The following ACTR10 variants were observed in gnomAD, a reference collection of about 807,000 sequenced individuals.
ACTR10 encodes actin related protein 10.
In ACTR10, 43 loss-of-function variants were observed where a neutral mutation model predicts 56.2. The ratio of observed to expected loss-of-function variants is 0.77; its 90% CI spans 0.60 to 0.99. The LOEUF is 0.99. Ranked by LOEUF, ACTR10 falls within the 50% of genes least tolerant of loss-of-function variation. ACTR10 has a pLI of 0.00. For synonymous variants in ACTR10, 170 were observed against 176.3 expected (o/e 0.96, Z 0.28); for missense variants, 466 against 507.8 (o/e 0.92, Z 0.79).
chr14:58,206,656 C>G (rs1401378928), intron 2 of ACTR10, among the ~76,000 whole-genome samples: 1 of 152,140 alleles, frequency 6.6e-6, no homozygotes, highest in Non-Finnish European at 1.5e-5. Flanking sequence ...GTACTGAGAG[C>G]TTTCTGAGGA....
intron 1 of ACTR10, among the ~76,000 whole-genome samples, chr14:58,200,513 C>T (rs1888679987): frequency 6.6e-6 from 1 of 152,190 alleles, no homozygotes; most frequent in South Asian, 2.1e-4. Context: ...CAGAAAGCTT[C>T]TGTTGAATTG....
chr14:58,207,986 C>T lies in ACTR10; in HGVS notation c.201C>T (p.Tyr67=), dbSNP rs752035796. ...TCAATACAGAAGAATTATATTCCTA[C>T]CTAAAGGAATTCATCCACATACTAT... The part of the protein sequence containing the change: ...YNINTEELYS[Y]LKEFIHILYF... The change falls in exon 3 of 13, where the codon TAC becomes TAT. Residue 67 remains tyrosine (Y), a synonymous_variant. Coordinates refer to ENST00000254286, the MANE Select transcript of ACTR10 (RefSeq NM_018477.3). The T allele has an allele frequency of 9.3e-6, 14 of 1,508,674 alleles. No individual in the cohort carries two copies. Among genetic ancestry groups the T allele is most frequent in the Non-Finnish European group, 1.2e-5 (14 of 1,137,312 alleles). The allele number at this position is 1,508,674 out of a possible 1,614,324, so 93.5% of individuals were successfully genotyped here.
At chr14:58,215,683 T>C (rs191298028) in intron 7 of ACTR10, among the ~76,000 whole-genome samples, 56 of 152,250 alleles carry the variant, frequency 3.7e-4, no homozygotes, top group Admixed American at 2.0e-3. Flanking sequence ...TGTGATCTTA[T>C]CTACTCCCAC....
intron 7 of ACTR10, among the ~76,000 whole-genome samples, chr14:58,218,693 A>G (rs192663970): frequency 6.2e-4 from 95 of 152,168 alleles, no homozygotes; most frequent in African/African-American, 2.3e-3. Flanking sequence ...CAGGTGGAAG[A>G]AGGCCATAAT....
chr14:58,228,095 C>G (rs1195010792), intron 10 of ACTR10, among the ~76,000 whole-genome samples: 4 of 152,120 alleles, frequency 2.6e-5, no homozygotes, highest in Admixed American at 2.6e-4. Flanking sequence ...GGGCAAGACC[C>G]TATCTCAAAA....
chr14:58,215,127 A>G (rs961921121), intron 6 of ACTR10, 78 bp from the exon 7 acceptor site: 4 of 891,512 alleles, frequency 4.5e-6, no homozygotes, highest in Non-Finnish European at 5.1e-6. Flanking sequence ...ATAATAATCT[A>G]TTATGTAGTT....
rs187781198 is a variant in ACTR10, at chr14:58,200,206, T to A, written c.-12T>A. ...AGACTGCGACCCTCTTCTCTCAGTC[T>A]GCCTTACTACCATGCCGCTCTACGA... On this transcript the variant is annotated 5_prime_UTR_variant, in exon 1 of 13. Coordinates refer to ENST00000254286, the MANE Select transcript of ACTR10 (RefSeq NM_018477.3). 2.0e-6 allele frequency: 3 copies of A among 1,514,312 alleles called. No individual in the cohort carries two copies. The highest frequency in any genetic ancestry group is 2.7e-6 in the Non-Finnish European group (3 of 1,128,402). 93.8% of individuals were successfully genotyped at this position (1,514,312 alleles called of 1,614,324 possible).
intron 7 of ACTR10, 100 bp downstream of exon 7, chr14:58,215,384 T>A: frequency 1.5e-6 from 1 of 687,250 alleles, no homozygotes. Flanking sequence ...TTCTCTTTTC[T>A]CCCCATGCCA....
intron 2 of ACTR10, among the ~76,000 whole-genome samples, chr14:58,203,302 CAAAAAAAAA>C (rs11384472): frequency 1.2e-4 from 13 of 105,460 alleles, no homozygotes; most frequent in African/African-American, 4.0e-4. Context: ...GACTTCGTCT[CAAAAAAAAA>C]AAAAAAAAAA....
intron 10 of ACTR10, among the ~76,000 whole-genome samples, chr14:58,227,202 A>T (rs1889425225): frequency 6.7e-6 from 1 of 150,064 alleles, no homozygotes. Flanking sequence ...GTACAGTAAG[A>T]GCTTAAAGTT....
Position 58,200,237 on chromosome 14 carries a change from T to C in ACTR10, c.20T>C (p.Leu7Pro). Residue 7 changes from leucine to proline, a missense_variant, in exon 1 of 13, where the codon CTG becomes CCG. Transcript: ENST00000254286. MPLYEG[L>P]GSGGEKTAVV... ...ACTACCATGCCGCTCTACGAGGGCC[T>C]GGGGAGCGGCGGGGAGAAGACGGCG... 1 of 1,530,314 alleles carries C rather than the reference T, an allele frequency of 6.5e-7. No individual in the cohort carries two copies. 94.8% of individuals were successfully genotyped at this position (1,530,314 alleles called of 1,614,324 possible). A position where few individuals can be genotyped will look rare whatever the true frequency, so the allele number is the denominator to read the frequency against.
chr14:58,202,923 C>G lies in ACTR10; in HGVS notation c.146C>G (p.Pro49Arg). 6.4e-7 allele frequency: 1 copy of G among 1,562,896 alleles called. No individual in the cohort carries two copies. The highest frequency in any genetic ancestry group is 8.7e-7 in the Non-Finnish European group (1 of 1,149,604). ...IPSVIKRAGM[P>R]KPVRVVQYNI... ...AGTGTGATAAAAAGAGCTGGGATGC[C>G]TAAGGTATTTAAAAAAAAATATTAG... The change falls in exon 2 of 13, where the codon CCT becomes CGT. Residue 49 changes from proline (P) to arginine (R), a missense_variant. Physicochemically the swap from Pro to Arg is moderately radical, Grantham distance 103. Transcript: ENST00000254286.
chr14:58,206,616 T>C (rs1378163139), intron 2 of ACTR10, among the ~76,000 whole-genome samples: 1 of 152,194 alleles, frequency 6.6e-6, no homozygotes, highest in Non-Finnish European at 1.5e-5. Flanking sequence ...AAAGAGTAAA[T>C]GAAGAGAGGT....
chr14:58,209,285 G>T (rs963524903), intron 4 of ACTR10, 178 bp downstream of exon 4: 2 of 357,538 alleles, frequency 5.6e-6, no homozygotes, highest in Non-Finnish European at 1.0e-5. Context: ...CAGTGTAGTT[G>T]GGGAACCAGA....
chr14:58,207,890 G>T, intron 2 of ACTR10, 46 bp from the exon 3 acceptor site: 2 of 1,124,006 alleles, frequency 1.8e-6, no homozygotes, highest in Non-Finnish European at 2.4e-6. Flanking sequence ...TTAATTTGAG[G>T]TTATTTTATT....
intron 11 of ACTR10, chr14:58,231,086 T>C: frequency 5.8e-6 from 2 of 342,710 alleles, no homozygotes; most frequent in Non-Finnish European, 1.2e-5. Context: ...ACAGTGTTGC[T>C]CTTGTTGCCC....
chr14:58,223,821 T>C lies in ACTR10; in HGVS notation c.753T>C (p.Asp251=), dbSNP rs911799517. The C allele has an allele frequency of 6.2e-7, 1 of 1,613,166 alleles. No homozygotes were observed. The highest frequency in any genetic ancestry group is 8.5e-7 in the Non-Finnish European group (1 of 1,179,396). ...CCCCAAATGTTGACTATCCATTAGA[T>C]GGAGAGAAGATTTTACATATCCTTG... The part of the protein sequence containing the change: ...SPPPNVDYPL[D]GEKILHILGS... The change falls in exon 10 of 13, where the codon GAT becomes GAC. Residue 251 remains aspartate, a synonymous_variant. Coordinates refer to ENST00000254286, the MANE Select transcript of ACTR10 (RefSeq NM_018477.3).
intron 10 of ACTR10, among the ~76,000 whole-genome samples, chr14:58,227,739 T>A (rs776350317): frequency 2.0e-5 from 3 of 152,154 alleles, no homozygotes; most frequent in Non-Finnish European, 4.4e-5. Context: ...GTAGATTGAG[T>A]CTCATGAAGA....
chr14:58,231,752 C>G (rs1042465808), intron 11 of ACTR10, among the ~76,000 whole-genome samples: 1 of 152,198 alleles, frequency 6.6e-6, no homozygotes, highest in Non-Finnish European at 1.5e-5. Flanking sequence ...CCTACTTAAT[C>G]ATTGCTACCC....
Sources: allele counts gnomAD v4.1 joint callset (sites outside exome capture counted in the v4.1 genomes callset), GRCh38; gene constraint gnomAD v4.1.1; transcripts MANE v1.5; gene names NCBI Gene and HGNC (gene_info 2026-07-23, HGNC 2026-07-21).